The following MTMR7 variants were observed in gnomAD, a reference collection of about 807,000 sequenced individuals.
The protein encoded by MTMR7 is myotubularin related protein 7.
MTMR7 carries 76 observed loss-of-function variants against 81.2 expected under a neutral mutation model. The ratio of observed to expected loss-of-function variants is 0.94; its 90% CI spans 0.78 to 1.13. The LOEUF is 1.13. Among genes scored for constraint, MTMR7 ranks in the 50% most tolerant of loss-of-function variants. The pLI is 0.00. For missense variants in MTMR7, 1,044 were observed against 820.0 expected, an observed-to-expected ratio of 1.27 and a Z score of -3.34; for synonymous variants, 372 against 289.8, an observed-to-expected ratio of 1.28 and a Z score of -2.88.
intron 9 of MTMR7, among the ~76,000 whole-genome samples, chr8:17,310,560 G>T (rs1002856949): frequency 6.6e-6 from 1 of 152,128 alleles, no homozygotes; most frequent in African/African-American, 2.4e-5. Context: ...AAATGCAAAT[G>T]AAGCAATCCA....
chr8:17,389,876 G>A (rs1339250769), intron 1 of MTMR7, among the ~76,000 whole-genome samples: 1 of 152,084 alleles, frequency 6.6e-6, no homozygotes, highest in Non-Finnish European at 1.5e-5. Flanking sequence ...AGATACTGAA[G>A]CTTCGACACC....
At chr8:17,330,351 G>A (rs7008580) in intron 7 of MTMR7, among the ~76,000 whole-genome samples, 1 of 152,058 alleles carries the variant, frequency 6.6e-6, no homozygotes, top group Admixed American at 6.5e-5. Context: ...AGCGCAGACA[G>A]TGCATGGACA....
chr8:17,301,474 A>C (rs905257783), intron 13 of MTMR7, among the ~76,000 whole-genome samples: 3 of 152,216 alleles, frequency 2.0e-5, no homozygotes, highest in Non-Finnish European at 2.9e-5. Flanking sequence ...ACAAGCAGCA[A>C]AAACCATTAA....
chr8:17,375,607 G>A (rs1034546962), intron 1 of MTMR7, among the ~76,000 whole-genome samples: 2 of 151,750 alleles, frequency 1.3e-5, no homozygotes, highest in African/African-American at 4.8e-5. Context: ...GCTACTGGGT[G>A]ATCAGCATTT....
chr8:17,329,084 C>G (rs905382957), intron 7 of MTMR7, among the ~76,000 whole-genome samples: 2 of 152,158 alleles, frequency 1.3e-5, no homozygotes, highest in Non-Finnish European at 2.9e-5. Flanking sequence ...CTGATTATAT[C>G]CATAACAGTA....
intron 7 of MTMR7, among the ~76,000 whole-genome samples, chr8:17,318,367 C>T (rs538671306): frequency 1.3e-5 from 2 of 152,174 alleles, no homozygotes; most frequent in African/African-American, 4.8e-5. Flanking sequence ...GTTTACAGCA[C>T]ACCAGTGAAC....
At chr8:17,331,453 C>T (rs1040018140) in intron 6 of MTMR7, among the ~76,000 whole-genome samples, 171 bp from the exon 7 acceptor site, 2 of 152,214 alleles carry the variant, frequency 1.3e-5, no homozygotes, top group African/African-American at 4.8e-5. Flanking sequence ...GCTTCAGGGA[C>T]TCCTGCTGAG....
chr8:17,302,078 T>C, intron 13 of MTMR7, 76 bp downstream of exon 13: 2 of 1,583,016 alleles, frequency 1.3e-6, no homozygotes, highest in South Asian at 2.2e-5. Flanking sequence ...GCACTGAATC[T>C]TAAGAGGCTT....
intron 7 of MTMR7, among the ~76,000 whole-genome samples, chr8:17,327,915 TACC>T (rs1292066520): frequency 6.6e-6 from 1 of 152,190 alleles, no homozygotes; most frequent in Non-Finnish European, 1.5e-5. Flanking sequence ...GTACAGATAA[TACC>T]ACATACTGCA....
chr8:17,408,743 G>A (rs574720969), intron 1 of MTMR7, among the ~76,000 whole-genome samples: 7 of 152,246 alleles, frequency 4.6e-5, no homozygotes, highest in Non-Finnish European at 1.0e-4. Context: ...AATTCAATGA[G>A]ATAATATTCA....
intron 6 of MTMR7, among the ~76,000 whole-genome samples, chr8:17,334,621 T>C (rs1819167535): frequency 6.6e-6 from 1 of 152,132 alleles, no homozygotes; most frequent in Non-Finnish European, 1.5e-5. Flanking sequence ...TGAAGCAAAG[T>C]CAACACTGTA....
In MTMR7 at chr8:17,368,152, A is replaced by G. The variant is rs866810369; in HGVS notation, c.310+2885T>C. Among the ~76,000 whole-genome samples, 17 of 152,180 alleles carry G rather than the reference A, an allele frequency of 1.1e-4. No homozygotes were observed. In the Middle Eastern group the frequency reaches 0.01, roughly 91 times the overall value. ...TCAGATCATCAGGAGCACACAACCT[A>G]GATCCCTCGCATGTACGGTTCACAA... On this transcript the variant is annotated intron_variant, in intron 3 of 13. Transcript: ENST00000180173.
At chr8:17,344,006 A>G (rs914999127) in intron 5 of MTMR7, among the ~76,000 whole-genome samples, 1 of 152,184 alleles carries the variant, frequency 6.6e-6, no homozygotes, top group Non-Finnish European at 1.5e-5. Flanking sequence ...TAATAATTAA[A>G]ATATTCAACA....
intron 7 of MTMR7, among the ~76,000 whole-genome samples, chr8:17,327,205 A>G (rs991395842): frequency 2.0e-5 from 3 of 152,226 alleles, no homozygotes; most frequent in Non-Finnish European, 2.9e-5. Context: ...ACTGTTAGAC[A>G]TTCATTCGGC....
In MTMR7 at chr8:17,337,755, A is replaced by G. The variant is rs546150602; in HGVS notation, c.732+3608T>C. ...CTCAGCCTCCCAAATAGCTGGGACT[A>G]CAGGCCCATGCCACCACATCCAGCT... is the stretch of plus-strand genomic sequence containing the variant. On this transcript the variant is annotated intron_variant, in intron 6 of 13. Coordinates refer to ENST00000180173, the MANE Select transcript of MTMR7 (RefSeq NM_004686.5). 2.0e-5 allele frequency among the ~76,000 whole-genome samples: 3 copies of G among 152,296 alleles called. No individual in the cohort carries two copies. The East Asian group carries it at 5.8e-4, about 29-fold the overall frequency.
At chr8:17,315,848 C>CA (rs992193753) in intron 7 of MTMR7, among the ~76,000 whole-genome samples, 38 of 152,070 alleles carry the variant, frequency 2.5e-4, no homozygotes, top group African/African-American at 5.8e-4. Context: ...TCAGGCTCTA[C>CA]AAAAAAGAGA....
intron 1 of MTMR7, among the ~76,000 whole-genome samples, chr8:17,373,653 G>C (rs1820488571): frequency 1.3e-5 from 2 of 152,170 alleles, no homozygotes; most frequent in African/African-American, 4.8e-5. Context: ...TTTCCTATGT[G>C]TTTCTAGCTT....
chr8:17,379,011 G>T (rs1037332680), intron 1 of MTMR7, among the ~76,000 whole-genome samples: 2 of 152,166 alleles, frequency 1.3e-5, no homozygotes, highest in Non-Finnish European at 2.9e-5. Context: ...TGAAGAAGAG[G>T]AATCAGAAAA....
chr8:17,327,054 T>A (rs1434000000), intron 7 of MTMR7, among the ~76,000 whole-genome samples: 1 of 152,204 alleles, frequency 6.6e-6, no homozygotes, highest in African/African-American at 2.4e-5. Flanking sequence ...AATAAGAATA[T>A]GCAAGCAATT....
Sources: allele counts gnomAD v4.1 joint callset (sites outside exome capture counted in the v4.1 genomes callset), GRCh38; gene constraint gnomAD v4.1.1; transcripts MANE v1.5; gene names NCBI Gene and HGNC (gene_info 2026-07-23, HGNC 2026-07-21).